Variants in LRRC43 observed in about 807,000 individuals in gnomAD.
The protein encoded by LRRC43 is leucine rich repeat containing 43.
A neutral mutation model predicts 64.3 loss-of-function variants in LRRC43; 62 were observed. That is an observed-to-expected ratio of 0.96 (90% CI 0.79 to 1.19). LRRC43 has a LOEUF of 1.19. Among genes scored for constraint, LRRC43 ranks in the 50% most tolerant of loss-of-function variants. The probability of loss-of-function intolerance (pLI) is 0.00; values close to 1 mark genes in which losing one functional copy is unlikely to be tolerated. For synonymous variants in LRRC43, 422 were observed against 382.3 expected, an observed-to-expected ratio of 1.10 and a Z score of -1.21; for missense variants, 868 against 845.0, an observed-to-expected ratio of 1.03 and a Z score of -0.34.
At chr12:122,203,224 T>C (rs1255399272) in intron 11 of LRRC43, 91 bp from the exon 12 acceptor site, 1 of 1,459,966 alleles carries the variant, frequency 6.8e-7, no homozygotes, top group Non-Finnish European at 9.3e-7. Context: ...TGGGACAGGG[T>C]CCAGGGCTTG....
At chr12:122,192,476 A>G (rs1566010801) in intron 6 of LRRC43, among the ~76,000 whole-genome samples, 1 of 152,164 alleles carries the variant, frequency 6.6e-6, no homozygotes. Context: ...CTCCCTCCAC[A>G]TCAGAAGAAA....
In LRRC43 at chr12:122,200,809, C is replaced by G. The variant is rs1479269190; in HGVS notation, c.1684C>G (p.Leu562Val). The G allele has an allele frequency of 1.9e-6, 3 of 1,613,170 alleles. No individual in the cohort carries two copies. Among genetic ancestry groups the G allele is most frequent in the Non-Finnish European group, 2.5e-6 (3 of 1,180,032 alleles). The change falls in exon 10 of 12, where the codon CTC becomes GTC. Residue 562 changes from leucine to valine, a missense_variant. Coordinates refer to ENST00000339777, the MANE Select transcript of LRRC43 (RefSeq NM_001098519.2). The surrounding 1 kb of genome is among the most constrained non-coding windows in gnomAD (Gnocchi z 4.6). ...PKELRQDPPI[L>V]QVLGRGLVIL... Reference sequence around the variant, plus strand: ...GGAGCTCCGGCAGGACCCCCCCATCCTCCAGGTGCTGGGCCGGGGCCTGGT... The same window carrying G: ...GGAGCTCCGGCAGGACCCCCCCATCGTCCAGGTGCTGGGCCGGGGCCTGGT...
intron 5 of LRRC43, among the ~76,000 whole-genome samples, chr12:122,190,963 G>A (rs148739232): frequency 8.2e-4 from 124 of 152,066 alleles, no homozygotes; most frequent in South Asian, 2.5e-3. Flanking sequence ...GCGAGACCCC[G>A]TCTCTAAAAA....
intron 7 of LRRC43, among the ~76,000 whole-genome samples, chr12:122,197,710 C>G (rs1427039500): frequency 6.6e-6 from 1 of 151,832 alleles, no homozygotes; most frequent in Admixed American, 6.6e-5. Context: ...ACCCTTTCTC[C>G]CAAGGGGAAA....
At chr12:122,180,012 C>T (rs886686208), upstream of LRRC43, among the ~76,000 whole-genome samples, 2 of 149,446 alleles carry the variant, frequency 1.3e-5, no homozygotes, top group Admixed American at 6.7e-5. Context: ...AAAAGTAACA[C>T]CAGAAATACA....
intron 10 of LRRC43, 138 bp from the exon 11 acceptor site, chr12:122,201,158 G>A: frequency 1.9e-6 from 2 of 1,061,730 alleles, no homozygotes; most frequent in Non-Finnish European, 2.8e-6. Context: ...GGGATGGGCT[G>A]GGGCAGCCAC....
upstream of LRRC43, among the ~76,000 whole-genome samples, chr12:122,179,104 T>C (rs146486271): frequency 7.0e-4 from 107 of 152,178 alleles, 1 homozygote; most frequent in Admixed American, 4.2e-3. Context: ...TTGGTTTTCT[T>C]TTCTTTAAGA....
upstream of LRRC43, among the ~76,000 whole-genome samples, chr12:122,181,828 A>C (rs551121600): frequency 5.6e-4 from 85 of 150,740 alleles, no homozygotes; most frequent in African/African-American, 2.0e-3. Flanking sequence ...CTGGTCTCGA[A>C]CTCCTGACCT....
In LRRC43 at chr12:122,184,686, T is replaced by C; in HGVS notation, c.318T>C (p.Ser106=). Residue 106 remains serine (S), a synonymous_variant, in exon 2 of 12, where the codon AGT becomes AGC. Transcript: ENST00000339777. This position sits in a 1 kb window ranked among gnomAD's most constrained non-coding sequence, Gnocchi z 4.0. ...TGAACAACTCGAATGCAGAAGACAG[T>C]TTCCTGAGAGAATTGGCCATCCGGA... ...ALLNNSNAED[S]FLRELAIRNP... is the part of the protein sequence containing the mutation. 1 of 1,613,910 alleles carries C rather than the reference T, an allele frequency of 6.2e-7. No individual in the cohort carries two copies. The highest frequency in any genetic ancestry group is 8.5e-7 in the Non-Finnish European group (1 of 1,179,852).
chr12:122,183,019 G>A (rs971845451), upstream of LRRC43: 3 of 1,381,410 alleles, frequency 2.2e-6, no homozygotes, highest in African/African-American at 4.6e-5. Flanking sequence ...AGAAAACGCA[G>A]GTGGTTGGGG....
At position 122,203,423 on chromosome 12, in the gene LRRC43, T is replaced by A. The variant is rs1953868543; in HGVS notation, c.1952T>A (p.Leu651Gln). 1.9e-6 allele frequency: 3 copies of A among 1,611,504 alleles called. No homozygotes were observed. The highest frequency in any genetic ancestry group is 2.5e-6 in the Non-Finnish European group (3 of 1,179,558). ...CAGTGCCGCTCGGCGGAGGAGGCTCTGCGCATGTTCGCCGTGTAGGGCGTG... is the reference window on the plus strand; with the variant it reads ...CAGTGCCGCTCGGCGGAGGAGGCTCAGCGCATGTTCGCCGTGTAGGGCGTG... ...LNQCRSAEEA[L>Q]RMFAV The change falls in exon 12 of 12, where the codon CTG becomes CAG. Residue 651 changes from leucine to glutamine, a missense_variant. By Grantham distance (113) the Leu-to-Gln change is moderately radical. Transcript: ENST00000339777.
In LRRC43 at chr12:122,203,421, T is replaced by C. The variant is rs371751939; in HGVS notation, c.1950T>C (p.Ala650=). 13 of 1,611,420 alleles carry C rather than the reference T, an allele frequency of 8.1e-6. No homozygotes were observed. In the African/African-American group the frequency reaches 1.7e-4, roughly 22 times the overall value. Reference sequence around the variant, plus strand: ...ACCAGTGCCGCTCGGCGGAGGAGGCTCTGCGCATGTTCGCCGTGTAGGGCG... The same window carrying C: ...ACCAGTGCCGCTCGGCGGAGGAGGCCCTGCGCATGTTCGCCGTGTAGGGCG... ...QLNQCRSAEE[A]LRMFAV The change falls in exon 12 of 12, where the codon GCT becomes GCC. Residue 650 remains alanine (A), a synonymous_variant. Coordinates refer to ENST00000339777, the MANE Select transcript of LRRC43 (RefSeq NM_001098519.2).
At position 122,186,240 on chromosome 12, in the gene LRRC43, G is replaced by A; in HGVS notation, c.462G>A (p.Leu154=). The A allele has an allele frequency of 6.2e-7, 1 of 1,606,584 alleles. No homozygotes were observed. Among genetic ancestry groups the A allele is most frequent in the Non-Finnish European group, 8.5e-7 (1 of 1,176,878 alleles). ...TGAAATTTCTAAAGCTGGAGGAGTTGGTACTGAGCGCCAATCGAATCAAGG... is the reference window on the plus strand; with the variant it reads ...TGAAATTTCTAAAGCTGGAGGAGTTAGTACTGAGCGCCAATCGAATCAAGG... ...DLLKFLKLEE[L]VLSANRIKEV... The change falls in exon 3 of 12, where the codon TTG becomes TTA. Residue 154 remains leucine, a synonymous_variant. Coordinates refer to ENST00000339777, the MANE Select transcript of LRRC43 (RefSeq NM_001098519.2).
upstream of LRRC43, chr12:122,183,081 G>T (rs1230009009): frequency 6.0e-6 from 9 of 1,501,584 alleles, no homozygotes; most frequent in African/African-American, 1.4e-5. Flanking sequence ...AGGTGAGAGC[G>T]CCTGGAGAGG....
rs983245910 is a variant in LRRC43 at position 122,194,212 on chromosome 12, TG to T, written c.1349+1209del. 5.3e-5 allele frequency among the ~76,000 whole-genome samples: 8 copies of T among 150,498 alleles called. No individual in the cohort carries two copies. In the East Asian group the frequency reaches 7.7e-4, roughly 14 times the overall value. The stretch of plus-strand genomic sequence containing the variant: ...AGAAAGGAGAGCACAAATATAAAGT[TG>T]TTTTTTTTTTTAAGCTTGTTAACCT... On this transcript the variant is annotated intron_variant, in intron 7 of 11. Coordinates refer to ENST00000339777, the MANE Select transcript of LRRC43 (RefSeq NM_001098519.2).
At chr12:122,170,579 C>A (rs1468362078) in intron 1 of LRRC43, among the ~76,000 whole-genome samples, 1 of 151,742 alleles carries the variant, frequency 6.6e-6, no homozygotes, top group Non-Finnish European at 1.5e-5. Context: ...TGCAGTGAGC[C>A]GAGATTGCAC....
upstream of LRRC43, chr12:122,183,043 T>G: frequency 6.9e-7 from 1 of 1,442,274 alleles, no homozygotes; most frequent in East Asian, 2.8e-5. Flanking sequence ...GGCTGTCTGA[T>G]CCGGATGGGG....
chr12:122,182,234 A>C (rs1276372995), upstream of LRRC43, among the ~76,000 whole-genome samples: 2 of 151,932 alleles, frequency 1.3e-5, no homozygotes, highest in African/African-American at 2.4e-5. Flanking sequence ...CTAAAATACA[A>C]AAAATTAGGC....
intron 1 of LRRC43, among the ~76,000 whole-genome samples, chr12:122,177,091 A>G (rs1209041479): frequency 1.3e-5 from 2 of 152,160 alleles, no homozygotes; most frequent in Non-Finnish European, 2.9e-5. Context: ...TACTGCCATA[A>G]TTATGTTGCA....
Sources: allele counts gnomAD v4.1 joint callset (sites outside exome capture counted in the v4.1 genomes callset), GRCh38; gene constraint gnomAD v4.1.1; non-coding constraint Gnocchi (gnomAD v3.1); transcripts MANE v1.5; gene names NCBI Gene and HGNC (gene_info 2026-07-23, HGNC 2026-07-21).